The following MMS22L variants were observed in gnomAD, a reference collection of about 807,000 sequenced individuals.
The protein encoded by MMS22L is MMS22 like, DNA repair protein.
MMS22L carries 74 observed loss-of-function variants against 159.1 expected under a neutral mutation model. The observed-to-expected ratio is 0.47, with a 90% CI of 0.39 to 0.56. The LOEUF is 0.56. MMS22L is among the 20% of genes least tolerant of loss of function. The pLI is 0.00. For synonymous variants in MMS22L, 517 were observed against 506.9 expected (o/e 1.02, Z -0.27); for missense variants, 1,351 against 1,422.1 (o/e 0.95, Z 0.80).
At position 97,146,406 on chromosome 6, in the gene MMS22L, A is replaced by T. The variant is rs1276311762; in HGVS notation, c.*400T>A. 6.5e-6 allele frequency: 1 copy of T among 153,730 alleles called. No homozygotes were observed. Among genetic ancestry groups the T allele is most frequent in the African/African-American group, 2.4e-5 (1 of 41,492 alleles). 9.5% of individuals were successfully genotyped at this position (153,730 alleles called of 1,614,324 possible). ...CTTTGAAAAAGTATCATTTTAAAAC[A>T]TAACTATTATTGTAAAAATAAAAAA... On this transcript the variant is annotated 3_prime_UTR_variant, in exon 25 of 25. Transcript: ENST00000683635.
chr6:97,282,600 G>C (rs987414712), intron 1 of MMS22L, 47 bp from the exon 2 acceptor site: 39 of 532,372 alleles, frequency 7.3e-5, no homozygotes, highest in Middle Eastern at 5.2e-4. Flanking sequence ...GATTACTTCA[G>C]AAAGTTCTCA....
chr6:97,226,478 C>T (rs1810259033), intron 14 of MMS22L, among the ~76,000 whole-genome samples: 1 of 152,040 alleles, frequency 6.6e-6, no homozygotes, highest in African/African-American at 2.4e-5. Flanking sequence ...CCTGTAATCC[C>T]AGCTACTCAG....
At chr6:97,220,330 AT>A (rs1248008155) in intron 14 of MMS22L, among the ~76,000 whole-genome samples, 1 of 152,144 alleles carries the variant, frequency 6.6e-6, no homozygotes, top group Non-Finnish European at 1.5e-5. Context: ...GAAATGTGAA[AT>A]TTTCTACTGT....
chr6:97,199,571 G>A (rs1467583378), intron 14 of MMS22L, among the ~76,000 whole-genome samples: 2 of 151,974 alleles, frequency 1.3e-5, no homozygotes, highest in East Asian at 3.9e-4. Flanking sequence ...AACCTCTTAA[G>A]CATTCTGCAT....
At chr6:97,189,626 A>C (rs1805661054) in intron 14 of MMS22L, among the ~76,000 whole-genome samples, 2 of 151,142 alleles carry the variant, frequency 1.3e-5, no homozygotes, top group South Asian at 4.2e-4. Flanking sequence ...AAAAAATTTT[A>C]AAGCTATAGA....
intron 18 of MMS22L, among the ~76,000 whole-genome samples, chr6:97,176,032 T>C (rs1582470460): frequency 6.6e-6 from 1 of 152,186 alleles, no homozygotes; most frequent in Non-Finnish European, 1.5e-5. Flanking sequence ...GCACTTTGCA[T>C]TGTCGTTCAC....
chr6:97,152,133 C>A (rs1045574556), intron 22 of MMS22L, among the ~76,000 whole-genome samples: 3 of 151,786 alleles, frequency 2.0e-5, no homozygotes, highest in Admixed American at 6.6e-5. Context: ...TAGAAAGGTG[C>A]CCATATTCAA....
chr6:97,232,000 T>G (rs1467234787), intron 12 of MMS22L, among the ~76,000 whole-genome samples: 1 of 152,172 alleles, frequency 6.6e-6, no homozygotes, highest in Non-Finnish European at 1.5e-5. Flanking sequence ...TAATATCAGG[T>G]CATTGGTTGT....
At chr6:97,258,048 C>T (rs1043268180) in intron 9 of MMS22L, among the ~76,000 whole-genome samples, 1 of 152,008 alleles carries the variant, frequency 6.6e-6, no homozygotes, top group African/African-American at 2.4e-5. Context: ...TTCCCTTTTC[C>T]CAATTTGTTT....
intron 4 of MMS22L, among the ~76,000 whole-genome samples, chr6:97,277,225 C>T (rs1816321634): frequency 2.0e-5 from 3 of 151,982 alleles, no homozygotes; most frequent in African/African-American, 7.3e-5. Context: ...CCAGCCTGAC[C>T]AACATGGTGA....
rs1800907461 is a variant in MMS22L, at chr6:97,145,894, TAA to T, written c.*910_*911del. On this transcript the variant is annotated 3_prime_UTR_variant, in exon 25 of 25. Coordinates refer to ENST00000683635, the MANE Select transcript of MMS22L (RefSeq NM_001350599.2). ...AACTGGTAAAACAATCTGGATGAGT[TAA>T]GAGTTCAAAAGTTGAGAAACAATGT... is the stretch of plus-strand genomic sequence containing the variant. 6.6e-6 allele frequency: 1 copy of T among 152,114 alleles called. No individual in the cohort carries two copies. Among genetic ancestry groups the T allele is most frequent in the African/African-American group, 2.4e-5 (1 of 41,444 alleles). 9.4% of individuals were successfully genotyped at this position (152,114 alleles called of 1,614,324 possible). A position where few individuals can be genotyped will look rare whatever the true frequency, so the allele number is the denominator to read the frequency against.
intron 11 of MMS22L, among the ~76,000 whole-genome samples, chr6:97,239,473 A>T (rs1811819304): frequency 6.6e-6 from 1 of 152,206 alleles, no homozygotes; most frequent in African/African-American, 2.4e-5. Flanking sequence ...CAAATATTAA[A>T]TAGGATTACC....
At chr6:97,260,903 T>G (rs1814398952) in intron 9 of MMS22L, 1 of 151,976 alleles carries the variant, frequency 6.6e-6, no homozygotes, top group Non-Finnish European at 1.5e-5. Context: ...ATTTATTCTT[T>G]TTTTGGTGGT....
chr6:97,201,932 A>G (rs1807212151), intron 14 of MMS22L, among the ~76,000 whole-genome samples: 1 of 152,228 alleles, frequency 6.6e-6, no homozygotes. Flanking sequence ...TAAGATAAAT[A>G]TCAGTCTTAG....
At chr6:97,230,262 ATTTTTTTTTTTTTT>A (rs754272802) in intron 13 of MMS22L, 1 of 104,630 alleles carries the variant, frequency 9.6e-6, no homozygotes. Context: ...ACGCTTGGCT[ATTTTTTTTTTTTTT>A]TTTTTTTTAG....
rs1194468856 is a variant in MMS22L at position 97,178,568 on chromosome 6, G to A, written c.2554C>T (p.Gln852Ter). ...AGTAATCTTGTCAGTTTGACCAACT[G>A]TTTCATGTACTCTTTTTCTGTTAAA... ...EEAVEKEYMK[Q>*]LVKLTRLLFN... The change falls in exon 18 of 25, where the codon CAG (glutamine) becomes TAG (stop). Residue 852 changes from glutamine to a stop codon, truncating the protein, a stop_gained. Transcript: ENST00000683635. LOFTEE classifies it high-confidence loss of function. The A allele has an allele frequency of 6.5e-7, 1 of 1,530,962 alleles. No homozygotes were observed. The allele number at this position is 1,530,962 out of a possible 1,614,324, so 94.8% of individuals were successfully genotyped here. A position where few individuals can be genotyped will look rare whatever the true frequency, so the allele number is the denominator to read the frequency against.
At chr6:97,180,703 A>C (rs1241970388) in intron 16 of MMS22L, among the ~76,000 whole-genome samples, 1 of 152,214 alleles carries the variant, frequency 6.6e-6, no homozygotes, top group Non-Finnish European at 1.5e-5. Context: ...AAATTATTTC[A>C]AATTATTTCA....
intron 6 of MMS22L, chr6:97,271,503 T>A (rs951384055): frequency 2.0e-5 from 3 of 152,202 alleles, no homozygotes; most frequent in Non-Finnish European, 4.4e-5. Flanking sequence ...TACTCATGAA[T>A]CTTTTTATTA....
intron 10 of MMS22L, among the ~76,000 whole-genome samples, chr6:97,248,568 C>T (rs1279815054): frequency 6.6e-6 from 1 of 152,026 alleles, no homozygotes; most frequent in African/African-American, 2.4e-5. Context: ...TGGCCTTGCC[C>T]AAAGAAAAGA....
Sources: gnomAD v4.1 joint callset for allele counts (sites outside exome capture counted in the v4.1 genomes callset) on GRCh38, gnomAD v4.1.1 for gene constraint, MANE v1.5 for transcripts, NCBI Gene and HGNC (gene_info 2026-07-23, HGNC 2026-07-21) for gene names.